Variants in B3GALT1 observed in about 807,000 individuals in gnomAD.
B3GALT1 encodes UDP-Gal:betaGlcNAc beta 1,3-galactosyltransferase, polypeptide 1.
B3GALT1 carries 10 observed loss-of-function variants against 23.2 expected under a neutral mutation model. The observed-to-expected ratio is 0.43, with a 90% confidence interval of 0.27 to 0.73. The LOEUF (loss-of-function observed/expected upper bound fraction) is 0.73. Among genes scored for constraint, B3GALT1 ranks in the 30% least tolerant of loss-of-function variants. The pLI is 0.21. For missense variants in B3GALT1, 299 were observed against 405.4 expected (o/e 0.74, Z 2.25); for synonymous variants, 156 against 141.5 (o/e 1.10, Z -0.73).
At chr2:167,296,752 T>C (rs565703559) in intron 1 of B3GALT1, among the ~76,000 whole-genome samples, 2 of 152,312 alleles carry the variant, frequency 1.3e-5, no homozygotes, top group African/African-American at 2.4e-5. Flanking sequence ...ACATACACTA[T>C]TGTATGAATT....
chr2:167,767,865 A>C (rs945191092), intron 3 of B3GALT1, among the ~76,000 whole-genome samples: 3 of 152,150 alleles, frequency 2.0e-5, no homozygotes, highest in Admixed American at 2.0e-4. Flanking sequence ...AGAGGCTGAG[A>C]AGTCCCATGA....
chr2:167,577,443 AAATG>A (rs1480534224), intron 2 of B3GALT1, among the ~76,000 whole-genome samples: 2 of 151,912 alleles, frequency 1.3e-5, no homozygotes, highest in Non-Finnish European at 2.9e-5. Flanking sequence ...GATCAATTGA[AAATG>A]AACACCTTTA....
chr2:167,790,741 T>G (rs1303631311), intron 3 of B3GALT1, among the ~76,000 whole-genome samples: 1 of 152,210 alleles, frequency 6.6e-6, no homozygotes, highest in Non-Finnish European at 1.5e-5. Flanking sequence ...AAAGCCTGGT[T>G]AGCTCCTTCC....
intron 1 of B3GALT1, among the ~76,000 whole-genome samples, chr2:167,303,034 G>A (rs1696475197): frequency 6.6e-6 from 1 of 152,108 alleles, no homozygotes; most frequent in Non-Finnish European, 1.5e-5. Flanking sequence ...TGCACAGAAT[G>A]ATTTTGATGA....
At chr2:167,544,999 G>A (rs1281564361) in intron 2 of B3GALT1, among the ~76,000 whole-genome samples, 2 of 149,836 alleles carry the variant, frequency 1.3e-5, no homozygotes, top group Admixed American at 1.3e-4. Flanking sequence ...AGGGGACCCG[G>A]AAGGCCGCTT....
chr2:167,552,139 G>A (rs963526352), intron 2 of B3GALT1, among the ~76,000 whole-genome samples: 1 of 152,158 alleles, frequency 6.6e-6, no homozygotes, highest in African/African-American at 2.4e-5. Flanking sequence ...GGAGAATTGG[G>A]TCTAACTTTC....
chr2:167,797,211 A>C (rs1231753707), intron 3 of B3GALT1, among the ~76,000 whole-genome samples: 1 of 152,136 alleles, frequency 6.6e-6, no homozygotes, highest in Non-Finnish European at 1.5e-5. Flanking sequence ...CCCACTTATA[A>C]GTGAGAATAT....
chr2:167,474,235 A>G (rs4387746), intron 1 of B3GALT1, among the ~76,000 whole-genome samples: 120,704 of 152,098 alleles, frequency 0.79, 49,396 homozygotes, highest in East Asian at 0.92. Flanking sequence ...AAATTGCCAC[A>G]CTACCAGCTA....
chr2:167,789,122 C>T (rs1393141377), intron 3 of B3GALT1, among the ~76,000 whole-genome samples: 1 of 152,196 alleles, frequency 6.6e-6, no homozygotes, highest in Non-Finnish European at 1.5e-5. Flanking sequence ...TCGCATGTCA[C>T]ATAACTTATT....
intron 2 of B3GALT1, among the ~76,000 whole-genome samples, chr2:167,500,323 G>A (rs1332973369): frequency 6.6e-6 from 1 of 152,090 alleles, no homozygotes; most frequent in Non-Finnish European, 1.5e-5. Flanking sequence ...GTCAAATAAT[G>A]ACCAGACAAT....
At chr2:167,559,030 C>A (rs907832755) in intron 2 of B3GALT1, among the ~76,000 whole-genome samples, 1 of 152,198 alleles carries the variant, frequency 6.6e-6, no homozygotes, top group Non-Finnish European at 1.5e-5. Context: ...GACCCATGTC[C>A]CCTGAGCAGC....
intron 2 of B3GALT1, among the ~76,000 whole-genome samples, chr2:167,535,058 C>T (rs929624927): frequency 3.9e-5 from 6 of 152,124 alleles, no homozygotes; most frequent in Admixed American, 3.3e-4. Context: ...GGACCATGAT[C>T]GATTTCACAA....
At chr2:167,508,664 G>A (rs181685229) in intron 2 of B3GALT1, among the ~76,000 whole-genome samples, 148 of 151,762 alleles carry the variant, frequency 9.8e-4, no homozygotes, top group African/African-American at 3.5e-3. Context: ...GGAAATGACT[G>A]GCATACACCA....
intron 2 of B3GALT1, among the ~76,000 whole-genome samples, chr2:167,496,395 A>G (rs1699783638): frequency 1.3e-5 from 2 of 152,194 alleles, no homozygotes; most frequent in Non-Finnish European, 2.9e-5. Flanking sequence ...AGCCAACAGT[A>G]AAGGAGATGG....
At chr2:167,564,595 C>G (rs942137326) in intron 2 of B3GALT1, among the ~76,000 whole-genome samples, 1 of 152,202 alleles carries the variant, frequency 6.6e-6, no homozygotes, top group Non-Finnish European at 1.5e-5. Context: ...GTGAACGAGA[C>G]TCCGTCTGCA....
intron 3 of B3GALT1, among the ~76,000 whole-genome samples, chr2:167,704,183 C>CAAAAAA (rs5836157): frequency 2.7e-5 from 3 of 112,890 alleles, no homozygotes; most frequent in South Asian, 3.0e-4. Context: ...TCAGTCTCAA[C>CAAAAAA]AAAAAAAAAA....
intron 3 of B3GALT1, among the ~76,000 whole-genome samples, chr2:167,648,485 AT>A (rs1004533366): frequency 2.0e-5 from 3 of 151,982 alleles, no homozygotes; most frequent in Admixed American, 6.6e-5. Flanking sequence ...ATTCCTACCC[AT>A]TTCTTAGGAT....
chr2:167,472,457 ACT>A (rs1008438122), intron 1 of B3GALT1, among the ~76,000 whole-genome samples: 4 of 151,844 alleles, frequency 2.6e-5, no homozygotes, highest in African/African-American at 9.7e-5. Context: ...TTTCCCATAA[ACT>A]CTAATCTCAC....
At chr2:167,758,235 G>T (rs763556643) in intron 3 of B3GALT1, among the ~76,000 whole-genome samples, 1 of 152,022 alleles carries the variant, frequency 6.6e-6, no homozygotes, top group Non-Finnish European at 1.5e-5. Context: ...TGATAGATAG[G>T]CCAGCCCAGC....
Sources: gnomAD v4.1 joint callset for allele counts (sites outside exome capture counted in the v4.1 genomes callset) on GRCh38, gnomAD v4.1.1 for gene constraint, MANE v1.5 for transcripts, NCBI Gene and HGNC (gene_info 2026-07-23, HGNC 2026-07-21) for gene names.